TRIOBP: variants seen among roughly 807,000 people sequenced by gnomAD.
TRIOBP encodes TRIO and F-actin-binding protein.
In TRIOBP, 169 loss-of-function variants were observed where a neutral mutation model predicts 238.8. The ratio of observed to expected loss-of-function variants is 0.71; its 90% confidence interval spans 0.62 to 0.80. The LOEUF (loss-of-function observed/expected upper bound fraction) is 0.80, where lower values mean the gene tolerates loss of function less well. TRIOBP is among the 30% of genes least tolerant of loss of function. The probability of loss-of-function intolerance (pLI) is 0.00; values close to 1 mark genes in which losing one functional copy is unlikely to be tolerated. For synonymous variants in TRIOBP, 1,150 were observed against 1,274.4 expected (o/e 0.90, Z 2.08); for missense variants, 2,838 against 3,122.6 (o/e 0.91, Z 2.17).
At position 37,713,334 on chromosome 22, in the gene TRIOBP, A is replaced by C. The variant is rs1425356540; in HGVS notation, c.379A>C (p.Asn127His). Residue 127 changes from asparagine (N) to histidine (H), a missense_variant, in exon 5 of 24, where the codon AAC (asparagine) becomes CAC (histidine). Transcript: ENST00000644935. ...GACCACTTCCTTGTGTGGCAGCTGCAACGAGGACCCCGGCTCTGACCCCAC... is the reference window on the plus strand; with the variant it reads ...GACCACTTCCTTGTGTGGCAGCTGCCACGAGGACCCCGGCTCTGACCCCAC... The part of the protein sequence containing the change: ...GLTTSLCGSC[N>H]EDPGSDPTSS... 6.2e-7 allele frequency: 1 copy of C among 1,613,988 alleles called. No individual in the cohort carries two copies. The highest frequency in any genetic ancestry group is 8.5e-7 in the Non-Finnish European group (1 of 1,179,946).
chr22:37,719,751 C>T (rs1447345001), intron 6 of TRIOBP, among the ~76,000 whole-genome samples: 8 of 152,118 alleles, frequency 5.3e-5, no homozygotes, highest in South Asian at 4.2e-4. Context: ...TTGCTGAGGC[C>T]GCCTCCTCTG....
At chr22:37,717,607 C>G (rs907827086) in intron 6 of TRIOBP, among the ~76,000 whole-genome samples, 34 of 152,262 alleles carry the variant, frequency 2.2e-4, no homozygotes, top group African/African-American at 8.2e-4. Context: ...TAGCTAGATA[C>G]AGAGTGTGGA....
At chr22:37,708,725 A>G (rs1268842830) in intron 3 of TRIOBP, among the ~76,000 whole-genome samples, 2 of 152,206 alleles carry the variant, frequency 1.3e-5, no homozygotes, top group African/African-American at 2.4e-5. Context: ...GGAGAAAACA[A>G]TGCTCCGAAA....
intron 6 of TRIOBP, among the ~76,000 whole-genome samples, chr22:37,722,209 CA>C (rs1923865865): frequency 1.3e-5 from 2 of 150,482 alleles, no homozygotes; most frequent in Non-Finnish European, 3.0e-5. Flanking sequence ...TACAAAAAAA[CA>C]GGGGCTTTCT....
intron 12 of TRIOBP, among the ~76,000 whole-genome samples, chr22:37,754,571 A>G (rs910136507): frequency 2.6e-5 from 4 of 152,258 alleles, no homozygotes; most frequent in Non-Finnish European, 4.4e-5. Context: ...GGCCCCGCTG[A>G]GTCCCTGACT....
At chr22:37,733,433 G>A (rs1002589462) in intron 8 of TRIOBP, 21 bp downstream of exon 8, 1 of 1,543,160 alleles carries the variant, frequency 6.5e-7, no homozygotes, top group Admixed American at 2.0e-5. Context: ...CCAGCTGTCT[G>A]GGGCCCCGCA....
intron 4 of TRIOBP, among the ~76,000 whole-genome samples, chr22:37,711,422 T>C (rs2145819961): frequency 6.6e-6 from 1 of 151,390 alleles, no homozygotes; most frequent in Non-Finnish European, 1.5e-5. Context: ...CTACTAACTA[T>C]ACAAAAATTA....
chr22:37,715,271 TCA>T (rs1224674164), intron 5 of TRIOBP, among the ~76,000 whole-genome samples: 1 of 152,098 alleles, frequency 6.6e-6, no homozygotes, highest in Non-Finnish European at 1.5e-5. Flanking sequence ...TGCCTCAGCC[TCA>T]CAAAGTGTTG....
intron 17 of TRIOBP, chr22:37,759,764 G>A (rs1447659068): frequency 2.9e-6 from 4 of 1,402,046 alleles, no homozygotes; most frequent in Non-Finnish European, 3.7e-6. Context: ...GTTCTCAACG[G>A]GGTCCATTTT....
At chr22:37,735,589 A>C in intron 9 of TRIOBP, 147 bp downstream of exon 9, 2 of 925,204 alleles carry the variant, frequency 2.2e-6, no homozygotes, top group Non-Finnish European at 3.3e-6. Flanking sequence ...ACCACAACCC[A>C]TCCCGATCAC....
In TRIOBP at chr22:37,765,659, C is replaced by T; in HGVS notation, c.6325-11C>T. The T allele has an allele frequency of 2.6e-6, 4 of 1,549,340 alleles. No individual in the cohort carries two copies. The highest frequency in any genetic ancestry group is 3.5e-6 in the Non-Finnish European group (4 of 1,146,910). On this transcript the variant is annotated splice_polypyrimidine_tract_variant and intron_variant, in intron 17 of 23. Coordinates refer to ENST00000644935, the MANE Select transcript of TRIOBP (RefSeq NM_001039141.3). ...GGGGCAGCCTGTGACACCCTGGCGTCCGGCCCACAGGAGGCATGTGAGCGC... is the reference window on the plus strand; with the variant it reads ...GGGGCAGCCTGTGACACCCTGGCGTTCGGCCCACAGGAGGCATGTGAGCGC...
intron 8 of TRIOBP, among the ~76,000 whole-genome samples, chr22:37,733,667 T>A: frequency 2.3e-4 from 1 of 4,372 alleles, no homozygotes; most frequent in African/African-American, 2.9e-4. Context: ...CACTGCTGTC[T>A]TTTTTTTTTT....
In TRIOBP at chr22:37,734,471, C is replaced by T. The variant is rs727505118; in HGVS notation, c.4135C>T (p.Pro1379Ser). The change falls in exon 9 of 24, where the codon CCT becomes TCT. Residue 1379 changes from proline to serine, a missense_variant. Physicochemically the swap from Pro to Ser is moderately conservative, Grantham distance 74 (BLOSUM62 -1). Around this residue, in one of 5 missense-constraint regions of TRIOBP, gnomAD observed 2,096 missense variants for 2,137.4 expected, o/e 0.98. Coordinates refer to ENST00000644935, the MANE Select transcript of TRIOBP (RefSeq NM_001039141.3). ...SQAEPPHPWS[P>S]EKRPEGDRQL... is the part of the protein sequence containing the mutation. The stretch of plus-strand genomic sequence containing the variant: ...AGCAGAGCCCCCTCATCCTTGGAGT[C>T]CTGAGAAGAGACCTGAGGGAGATCG... The T allele has an allele frequency of 2.5e-6, 4 of 1,612,694 alleles. No homozygotes were observed. The highest frequency in any genetic ancestry group is 1.7e-5 in the Admixed American group (1 of 59,918).
At chr22:37,711,592 A>C (rs1569034674) in intron 4 of TRIOBP, among the ~76,000 whole-genome samples, 1 of 49,666 alleles carries the variant, frequency 2.0e-5, no homozygotes, top group Admixed American at 3.2e-4. Flanking sequence ...AAAAAAAAAA[A>C]CAACAAAAAA....
chr22:37,758,261 G>GT (rs1278220602), intron 16 of TRIOBP, 123 bp downstream of exon 16: 7 of 1,259,330 alleles, frequency 5.6e-6, no homozygotes, highest in Non-Finnish European at 7.8e-6. Context: ...CTGATCTGCT[G>GT]TGAGTGTGCA....
Position 37,738,348 on chromosome 22 carries a change from T to G in TRIOBP, c.5107-294T>G, listed in dbSNP as rs1924778038. Among the ~76,000 whole-genome samples, 4 of 152,068 alleles carry G rather than the reference T, an allele frequency of 2.6e-5. No individual in the cohort carries two copies. In the South Asian group the frequency reaches 8.3e-4, roughly 32 times the overall value. The stretch of plus-strand genomic sequence containing the variant: ...TGTCAGATGATAGATGTTGGAGATA[T>G]GGGTAGATGGATGATGGATGGAGAG... On this transcript the variant is annotated intron_variant, in intron 9 of 23. Coordinates refer to ENST00000644935, the MANE Select transcript of TRIOBP (RefSeq NM_001039141.3).
Position 37,769,081 on chromosome 22 carries a change from C to G in TRIOBP, c.6629C>G (p.Ser2210Trp), listed in dbSNP as rs372581888. 10 of 1,613,550 alleles carry G rather than the reference C, an allele frequency of 6.2e-6. No individual in the cohort carries two copies. Among genetic ancestry groups the G allele is most frequent in the Non-Finnish European group, 8.5e-6 (10 of 1,180,028 alleles). Reference protein sequence around the residue: ...RELQVLSEQYSQKCLEIGALM... With the variant: ...RELQVLSEQYWQKCLEIGALM... ...CTGCAGGTGCTATCGGAGCAGTACT[C>G]GCAGAAGTGCCTGGAGATTGGGGCA... The change falls in exon 20 of 24, where the codon TCG becomes TGG. Residue 2210 changes from serine to tryptophan, a missense_variant. This residue lies in a region of TRIOBP where 2,096 missense variants were observed against 2,137.4 expected (regional missense o/e 0.98). Transcript: ENST00000644935.
Position 37,769,281 on chromosome 22 carries a change from C to T in TRIOBP, c.6755C>T (p.Ser2252Leu). 6.2e-7 allele frequency: 1 copy of T among 1,611,830 alleles called. No individual in the cohort carries two copies. Among genetic ancestry groups the T allele is most frequent in the South Asian group, 1.1e-5 (1 of 90,716 alleles). Reference protein sequence around the residue: ...RHNQELHGRLSEEIDQLRGFI... With the variant: ...RHNQELHGRLLEEIDQLRGFI... Reference sequence around the variant, plus strand: ...TCCCAGGAGCTGCATGGCCGCCTGTCAGAGGAGATAGACCAGCTGCGCGGC... The same window carrying T: ...TCCCAGGAGCTGCATGGCCGCCTGTTAGAGGAGATAGACCAGCTGCGCGGC... The change falls in exon 21 of 24, where the codon TCA (serine) becomes TTA (leucine). Residue 2252 changes from serine to leucine, a missense_variant. Physicochemically the swap from Ser to Leu is moderately radical, Grantham distance 145 (BLOSUM62 -2). This residue lies in a region of TRIOBP where 2,096 missense variants were observed against 2,137.4 expected (regional missense o/e 0.98). Transcript: ENST00000644935.
rs1371308633 is a variant in TRIOBP at position 37,773,915 on chromosome 22, CACACACACACACACACACACACAG to C, written c.*143_*166del. 3 of 136,636 alleles carry C rather than the reference CACACACACACACACACACACACAG, an allele frequency of 2.2e-5. No individual in the cohort carries two copies. Among genetic ancestry groups the C allele is most frequent in the African/African-American group, 1.1e-4 (3 of 28,214 alleles). 8.5% of individuals were successfully genotyped at this position (136,636 alleles called of 1,614,324 possible). A position where few individuals can be genotyped will look rare whatever the true frequency, so the allele number is the denominator to read the frequency against. ...TGCACTTGCACCCACCACACACACA[CACACACACACACACACACACACAG>C]ACACACAGACACATACGCACACACG... On this transcript the variant is annotated 3_prime_UTR_variant, in exon 24 of 24. Coordinates refer to ENST00000644935, the MANE Select transcript of TRIOBP (RefSeq NM_001039141.3).
Sources: gnomAD v4.1 joint callset for allele counts (sites outside exome capture counted in the v4.1 genomes callset) on GRCh38, gnomAD v4.1.1 for gene constraint, gnomAD v4.1.1 regional missense constraint, MANE v1.5 for transcripts, NCBI Gene and HGNC (gene_info 2026-07-23, HGNC 2026-07-21) for gene names.